The following RAD51B variants were observed in gnomAD, a reference collection of about 807,000 sequenced individuals.
RAD51B encodes DNA repair protein RAD51 homolog 2.
A neutral mutation model predicts 42.2 loss-of-function variants in RAD51B; 38 were observed. That is an observed-to-expected ratio of 0.90 (90% CI 0.70 to 1.18). The LOEUF (loss-of-function observed/expected upper bound fraction) is 1.18, where lower values mean the gene tolerates loss of function less well. Among genes scored for constraint, RAD51B ranks in the 50% most tolerant of loss-of-function variants. The pLI, the probability that RAD51B is intolerant of heterozygous loss-of-function variation, is 0.00. For missense variants in RAD51B, 373 were observed against 400.7 expected (o/e 0.93, Z 0.59); for synonymous variants, 154 against 145.2 (o/e 1.06, Z -0.43).
intron 10 of RAD51B, among the ~76,000 whole-genome samples, chr14:68,500,505 G>T (rs1884844135): frequency 6.6e-6 from 1 of 152,222 alleles, no homozygotes; most frequent in Non-Finnish European, 1.5e-5. Context: ...AGATGAGAAA[G>T]GATTTATTTA....
intron 9 of RAD51B, among the ~76,000 whole-genome samples, chr14:68,457,827 A>T (rs1287504159): frequency 1.4e-5 from 2 of 138,494 alleles, no homozygotes; most frequent in African/African-American, 5.4e-5. Context: ...GTTACCCAGG[A>T]TGGTCTCAAT....
At chr14:68,208,130 AC>A (rs1359123856) in intron 7 of RAD51B, among the ~76,000 whole-genome samples, 7 of 143,504 alleles carry the variant, frequency 4.9e-5, no homozygotes, top group African/African-American at 1.8e-4. Flanking sequence ...AAAAAAAAAA[AC>A]AACATATTTC....
At chr14:68,087,385 C>G (rs1199877369) in intron 7 of RAD51B, among the ~76,000 whole-genome samples, 3 of 152,152 alleles carry the variant, frequency 2.0e-5, no homozygotes, top group Non-Finnish European at 2.9e-5. Context: ...CAAAGTACCT[C>G]TAGCCAGTCT....
chr14:68,156,455 T>TCTCTCTCTCTC (rs2078508050), intron 7 of RAD51B, among the ~76,000 whole-genome samples: 2 of 114,266 alleles, frequency 1.8e-5, no homozygotes, highest in Non-Finnish European at 3.5e-5. Flanking sequence ...CTTAGAAAAT[T>TCTCTCTCTCTC]TCTCTCTCTC....
chr14:68,581,223 A>G (rs1242907431), intron 10 of RAD51B, among the ~76,000 whole-genome samples: 1 of 152,168 alleles, frequency 6.6e-6, no homozygotes, highest in East Asian at 1.9e-4. Context: ...GTCAGTAGAA[A>G]GTGGCACCAC....
At chr14:68,288,325 G>A (rs868050546) in intron 7 of RAD51B, among the ~76,000 whole-genome samples, 1 of 152,180 alleles carries the variant, frequency 6.6e-6, no homozygotes, top group African/African-American at 2.4e-5. Flanking sequence ...CAGTAAGATG[G>A]CATGATTAGC....
intron 7 of RAD51B, chr14:68,069,496 A>G (rs78579135): frequency 0.031 from 4,747 of 152,168 alleles, 104 homozygotes; most frequent in Middle Eastern, 0.051. Context: ...GTCCATGTGT[A>G]CTGAATATTT....
intron 7 of RAD51B, among the ~76,000 whole-genome samples, chr14:68,051,687 C>G (rs1016539248): frequency 6.6e-6 from 1 of 151,804 alleles, no homozygotes; most frequent in East Asian, 1.9e-4. Flanking sequence ...TAACCTCAGA[C>G]TCCTGGGCTG....
At chr14:68,377,186 G>T (rs1233571130) in intron 8 of RAD51B, among the ~76,000 whole-genome samples, 1 of 152,160 alleles carries the variant, frequency 6.6e-6, no homozygotes, top group African/African-American at 2.4e-5. Context: ...CTTAGGAAGG[G>T]AAGCAGTTGC....
intron 10 of RAD51B, among the ~76,000 whole-genome samples, chr14:68,574,173 ACCTTGGCTCGC>A (rs1336265996): frequency 6.6e-6 from 1 of 152,094 alleles, no homozygotes; most frequent in East Asian, 1.9e-4. Flanking sequence ...CAGTGGCACA[ACCTTGGCTCGC>A]TGCAGCTTCA....
chr14:68,107,011 G>A (rs1398305795), intron 7 of RAD51B, among the ~76,000 whole-genome samples: 1 of 151,810 alleles, frequency 6.6e-6, no homozygotes, highest in African/African-American at 2.4e-5. Flanking sequence ...TAGCCTGTGA[G>A]TGACCAGTCT....
At chr14:68,050,059 A>AT (rs1429008767) in intron 7 of RAD51B, among the ~76,000 whole-genome samples, 2 of 151,696 alleles carry the variant, frequency 1.3e-5, no homozygotes, top group African/African-American at 4.8e-5. Flanking sequence ...CTTAAGTTCT[A>AT]TTTTTTCTAT....
At chr14:68,673,751 AC>A (rs1893232118) in intron 11 of RAD51B, among the ~76,000 whole-genome samples, 1 of 152,110 alleles carries the variant, frequency 6.6e-6, no homozygotes, top group Non-Finnish European at 1.5e-5. Context: ...TACTGTACAC[AC>A]ATATATATAC....
chr14:68,322,834 G>C (rs549932190), intron 8 of RAD51B, among the ~76,000 whole-genome samples: 33 of 152,284 alleles, frequency 2.2e-4, no homozygotes, highest in African/African-American at 7.5e-4. Flanking sequence ...TGACTGTGAG[G>C]TGAAAGGAGG....
At chr14:68,362,353 G>A (rs997022007) in intron 8 of RAD51B, among the ~76,000 whole-genome samples, 1 of 152,132 alleles carries the variant, frequency 6.6e-6, no homozygotes, top group African/African-American at 2.4e-5. Context: ...AGCCATTTTT[G>A]TAAGGATTTT....
chr14:68,497,903 A>G (rs1219044999), intron 10 of RAD51B: 1 of 194,716 alleles, frequency 5.1e-6, no homozygotes, highest in Non-Finnish European at 1.1e-5. Context: ...TTGTTCATTC[A>G]TTCATCCGTC....
chr14:67,949,143 G>A (rs1023333493), intron 7 of RAD51B, among the ~76,000 whole-genome samples: 2 of 151,858 alleles, frequency 1.3e-5, no homozygotes, highest in Admixed American at 1.3e-4. Flanking sequence ...AAATAAGACA[G>A]CAATAAAGTT....
chr14:68,214,884 T>TC (rs975989375), intron 7 of RAD51B, among the ~76,000 whole-genome samples: 1 of 152,194 alleles, frequency 6.6e-6, no homozygotes, highest in Non-Finnish European at 1.5e-5. Context: ...AAACCAGCCT[T>TC]CTTTTATTTC....
At chr14:68,460,987 C>T (rs946885118) in intron 9 of RAD51B, among the ~76,000 whole-genome samples, 2 of 152,118 alleles carry the variant, frequency 1.3e-5, no homozygotes, top group Non-Finnish European at 2.9e-5. Context: ...TGAAGCTTCT[C>T]TTACGTATAT....
Sources: gnomAD v4.1 joint callset for allele counts (sites outside exome capture counted in the v4.1 genomes callset) on GRCh38, gnomAD v4.1.1 for gene constraint, MANE v1.5 for transcripts, NCBI Gene and HGNC (gene_info 2026-07-23, HGNC 2026-07-21) for gene names.